Variants in STPG2 observed in about 807,000 individuals in gnomAD.
The protein encoded by STPG2 is sperm tail PG-rich repeat containing 2.
Under a neutral mutation model 54.2 loss-of-function variants are expected in STPG2, and 56 were observed. The observed-to-expected ratio is 1.03, with a 90% confidence interval of 0.83 to 1.29. STPG2 has a LOEUF of 1.29. Among genes scored for constraint, STPG2 ranks in the 50% most tolerant of loss-of-function variants. The pLI is 0.00. For synonymous variants in STPG2, 200 were observed against 181.8 expected (o/e 1.10, Z -0.81); for missense variants, 596 against 544.9 (o/e 1.09, Z -0.93).
At chr4:98,076,119 C>A (rs1438034328) in intron 5 of STPG2, among the ~76,000 whole-genome samples, 4 of 152,040 alleles carry the variant, frequency 2.6e-5, no homozygotes, top group South Asian at 2.1e-4. Context: ...TGGCGGGCGC[C>A]TGTAGTCCCA....
At chr4:98,131,718 T>C (rs1007318103) in intron 2 of STPG2, among the ~76,000 whole-genome samples, 1 of 152,128 alleles carries the variant, frequency 6.6e-6, no homozygotes, top group African/African-American at 2.4e-5. Flanking sequence ...TAGCACCCAA[T>C]GTACCTTTCT....
chr4:97,629,152 A>C lies in STPG2; in HGVS notation c.1321-70035T>G, dbSNP rs867559627. The stretch of plus-strand genomic sequence containing the variant: ...AAAAAAATTGGAGACAGAATTTTCC[A>C]ATAATAATAATAAGAGTAATAGTAA... On this transcript the variant is annotated intron_variant, in intron 10 of 10. Transcript: ENST00000295268. 3.9e-5 allele frequency among the ~76,000 whole-genome samples: 6 copies of C among 152,086 alleles called. No homozygotes were observed. The South Asian group carries it at 6.2e-4, about 16-fold the overall frequency.
intron 3 of STPG2, among the ~76,000 whole-genome samples, chr4:98,117,325 T>C (rs1379529121): frequency 6.6e-6 from 1 of 151,978 alleles, no homozygotes; most frequent in Non-Finnish European, 1.5e-5. Context: ...GATATGTCAC[T>C]TTTTTCTTGC....
intron 10 of STPG2, among the ~76,000 whole-genome samples, chr4:97,706,329 A>G (rs1261663936): frequency 1.3e-5 from 2 of 152,012 alleles, no homozygotes; most frequent in Non-Finnish European, 2.9e-5. Context: ...TGAAATAGTA[A>G]CCCCTAGTGT....
chr4:98,004,208 C>A (rs1299345085), intron 5 of STPG2, among the ~76,000 whole-genome samples: 4 of 152,142 alleles, frequency 2.6e-5, no homozygotes, highest in African/African-American at 4.8e-5. Context: ...GCTTCTTGAA[C>A]TTTTTAATAT....
intron 8 of STPG2, among the ~76,000 whole-genome samples, chr4:97,943,228 C>A (rs1733059282): frequency 6.6e-6 from 1 of 152,114 alleles, no homozygotes; most frequent in Admixed American, 6.5e-5. Context: ...AGTGCCACCT[C>A]CTAATACCAT....
rs147057731 is a variant in STPG2, at chr4:97,522,112, G to A, written c.462+190587C>T. Among the ~76,000 whole-genome samples the A allele has an allele frequency of 4.2e-3, 635 of 151,880 alleles. 3 individuals are homozygous for A. The highest frequency in any genetic ancestry group is 0.02 in the South Asian group (98 of 4,818). On this transcript the variant is annotated intron_variant, in intron 4 of 4. Coordinates refer to the STPG2 transcript ENST00000522676. ...CTTAAACCTGACTCTACCTACATTC[G>A]TGGGAGTGCGGAAAAGATAGTAAAA...
chr4:98,077,036 C>G (rs1738188786), intron 5 of STPG2, among the ~76,000 whole-genome samples: 1 of 152,078 alleles, frequency 6.6e-6, no homozygotes, highest in Non-Finnish European at 1.5e-5. Context: ...TCCTGATGTC[C>G]TTTCAGATAA....
intron 9 of STPG2, among the ~76,000 whole-genome samples, chr4:97,782,368 C>T (rs940010339): frequency 3.3e-5 from 5 of 152,130 alleles, no homozygotes; most frequent in Admixed American, 3.3e-4. Context: ...ATCCAACTTA[C>T]AAGGGATGTG....
intron 9 of STPG2, among the ~76,000 whole-genome samples, chr4:97,735,221 T>C (rs915802280): frequency 2.0e-5 from 3 of 151,754 alleles, no homozygotes; most frequent in African/African-American, 7.3e-5. Context: ...GTTATATATA[T>C]AGATATATAG....
At chr4:97,562,588 T>G (rs950313406) in intron 10 of STPG2, among the ~76,000 whole-genome samples, 3 of 152,210 alleles carry the variant, frequency 2.0e-5, no homozygotes, top group Non-Finnish European at 4.4e-5. Context: ...TTGTCATAGA[T>G]AGCTGTTATT....
At chr4:97,786,642 A>G (rs1726833037) in intron 9 of STPG2, among the ~76,000 whole-genome samples, 1 of 152,114 alleles carries the variant, frequency 6.6e-6, no homozygotes, top group South Asian at 2.1e-4. Flanking sequence ...ACTCTGCATG[A>G]AATCTCATAC....
intron 5 of STPG2, among the ~76,000 whole-genome samples, chr4:98,102,922 T>C (rs1446035748): frequency 6.7e-6 from 1 of 149,086 alleles, no homozygotes; most frequent in Non-Finnish European, 1.5e-5. Flanking sequence ...ATAATTATAA[T>C]CATATATATT....
intron 5 of STPG2, among the ~76,000 whole-genome samples, chr4:98,012,189 C>G (rs1000553729): frequency 1.3e-5 from 2 of 152,114 alleles, no homozygotes; most frequent in Non-Finnish European, 2.9e-5. Flanking sequence ...TTTCCCAGCA[C>G]CACTTATTAA....
intron 10 of STPG2, 33 bp downstream of exon 10, chr4:97,712,666 T>A: frequency 7.0e-7 from 1 of 1,426,660 alleles, no homozygotes; most frequent in South Asian, 1.4e-5. Context: ...ATTCTATTCT[T>A]GTGTCACTGT....
intron 10 of STPG2, among the ~76,000 whole-genome samples, chr4:97,637,958 A>G (rs1322825705): frequency 6.6e-6 from 1 of 151,870 alleles, no homozygotes; most frequent in East Asian, 1.9e-4. Context: ...CCATCAAGCT[A>G]CCAATGACTT....
intron 10 of STPG2, among the ~76,000 whole-genome samples, chr4:97,668,279 C>T (rs1485723681): frequency 2.0e-5 from 3 of 152,070 alleles, no homozygotes; most frequent in African/African-American, 7.2e-5. Flanking sequence ...CAGCAGTCCT[C>T]CATAGGAAAT....
chr4:97,775,908 T>C (rs887199218), intron 9 of STPG2, among the ~76,000 whole-genome samples: 1 of 152,076 alleles, frequency 6.6e-6, no homozygotes, highest in Non-Finnish European at 1.5e-5. Context: ...ATTACAGGTA[T>C]GCACCACCAT....
At chr4:97,597,066 A>G (rs914833278) in intron 10 of STPG2, among the ~76,000 whole-genome samples, 4 of 152,270 alleles carry the variant, frequency 2.6e-5, no homozygotes, top group African/African-American at 7.2e-5. Flanking sequence ...ACAAGAAAAA[A>G]TGACAAAGGA....
Sources: allele counts gnomAD v4.1 joint callset (sites outside exome capture counted in the v4.1 genomes callset), GRCh38; gene constraint gnomAD v4.1.1; transcripts MANE v1.5; gene names NCBI Gene and HGNC (gene_info 2026-07-23, HGNC 2026-07-21).